The following GRM5 variants were observed in gnomAD, a reference collection of about 807,000 sequenced individuals.
GRM5 encodes the protein glutamate metabotropic receptor 5.
In GRM5, 19 loss-of-function variants were observed where a neutral mutation model predicts 83.1. That is an observed-to-expected ratio of 0.23 (90% confidence interval 0.16 to 0.34). The LOEUF is 0.34. GRM5 is among the 10% of genes least tolerant of loss of function. The probability of loss-of-function intolerance (pLI) is 1.00; values close to 1 mark genes in which losing one functional copy is unlikely to be tolerated. For missense variants in GRM5, 1,160 were observed against 1,588.3 expected (o/e 0.73, Z 4.58); for synonymous variants, 675 against 633.6 (o/e 1.07, Z -0.98).
chr11:88,886,381 T>A (rs1461093068), intron 2 of GRM5, among the ~76,000 whole-genome samples: 1 of 152,164 alleles, frequency 6.6e-6, no homozygotes, highest in Non-Finnish European at 1.5e-5. Context: ...ACTCTGTCCT[T>A]TTATTCTGAG....
At chr11:88,828,368 C>T (rs914804692) in intron 3 of GRM5, among the ~76,000 whole-genome samples, 3 of 152,164 alleles carry the variant, frequency 2.0e-5, no homozygotes, top group African/African-American at 7.2e-5. Context: ...GGTAATTGTA[C>T]ATTCACAACT....
chr11:88,937,373 C>T (rs1226488288), intron 2 of GRM5, among the ~76,000 whole-genome samples: 1 of 151,618 alleles, frequency 6.6e-6, no homozygotes, highest in Non-Finnish European at 1.5e-5. Flanking sequence ...ATTTGCTTTA[C>T]TTGTCTTCTT....
intron 2 of GRM5, among the ~76,000 whole-genome samples, chr11:89,028,370 T>G (rs1198515826): frequency 6.6e-6 from 1 of 152,096 alleles, no homozygotes; most frequent in Non-Finnish European, 1.5e-5. Context: ...ATCACTTGTG[T>G]CCAGGAGTTT....
At chr11:88,651,591 A>G (rs958384214) in intron 4 of GRM5, among the ~76,000 whole-genome samples, 1 of 152,120 alleles carries the variant, frequency 6.6e-6, no homozygotes, top group African/African-American at 2.4e-5. Context: ...TGTGAGCCAT[A>G]AGTGACAGTG....
At chr11:88,893,292 A>G (rs1213351901) in intron 2 of GRM5, among the ~76,000 whole-genome samples, 2 of 152,106 alleles carry the variant, frequency 1.3e-5, no homozygotes, top group Non-Finnish European at 2.9e-5. Flanking sequence ...AGGATCTTGT[A>G]TGATAAATAC....
At chr11:89,058,481 T>G (rs1325645255) in intron 1 of GRM5, among the ~76,000 whole-genome samples, 4 of 152,148 alleles carry the variant, frequency 2.6e-5, no homozygotes, top group African/African-American at 9.7e-5. Context: ...TACATGAAAG[T>G]TAATCCTGGC....
At chr11:88,630,747 T>A (rs188608507) in intron 4 of GRM5, among the ~76,000 whole-genome samples, 97 of 152,242 alleles carry the variant, frequency 6.4e-4, no homozygotes, top group African/African-American at 2.2e-3. Flanking sequence ...ACTGGCTAAT[T>A]TTGTATTTTT....
intron 8 of GRM5, among the ~76,000 whole-genome samples, chr11:88,543,563 G>A (rs1407932984): frequency 6.8e-6 from 1 of 147,568 alleles, no homozygotes; most frequent in Non-Finnish European, 1.5e-5. Context: ...ATTATTTCAG[G>A]GAAGACATAG....
chr11:88,841,434 C>T (rs1370298495), intron 3 of GRM5, among the ~76,000 whole-genome samples: 1 of 152,122 alleles, frequency 6.6e-6, no homozygotes, highest in Non-Finnish European at 1.5e-5. Context: ...AATGACTTTG[C>T]TTTTTCTTGA....
chr11:88,808,310 T>A (rs1273462313), intron 3 of GRM5, among the ~76,000 whole-genome samples: 1 of 152,058 alleles, frequency 6.6e-6, no homozygotes, highest in African/African-American at 2.4e-5. Context: ...ACTGTATATA[T>A]GTACTTTACA....
intron 3 of GRM5, among the ~76,000 whole-genome samples, chr11:88,689,187 T>C (rs1940719506): frequency 6.6e-6 from 1 of 152,176 alleles, no homozygotes; most frequent in Non-Finnish European, 1.5e-5. Context: ...CCTTATTTCA[T>C]TCAACAAATA....
chr11:88,842,694 C>T (rs544887732), intron 3 of GRM5, among the ~76,000 whole-genome samples: 1 of 151,348 alleles, frequency 6.6e-6, no homozygotes, highest in African/African-American at 2.4e-5. Flanking sequence ...TAGAGTTCAT[C>T]TTTTTTTTTC....
intron 4 of GRM5, among the ~76,000 whole-genome samples, chr11:88,636,435 C>T (rs1371302292): frequency 6.6e-6 from 1 of 151,950 alleles, no homozygotes; most frequent in East Asian, 1.9e-4. Context: ...TTGATTGAAC[C>T]TGAGAGGCTT....
At chr11:88,958,380 C>T (rs1938688329) in intron 2 of GRM5, among the ~76,000 whole-genome samples, 1 of 151,396 alleles carries the variant, frequency 6.6e-6, no homozygotes, top group Admixed American at 6.6e-5. Flanking sequence ...ATAAAAATTA[C>T]ATAAAATCAA....
intron 2 of GRM5, among the ~76,000 whole-genome samples, chr11:88,940,544 A>C (rs887640523): frequency 6.6e-6 from 1 of 151,606 alleles, no homozygotes; most frequent in African/African-American, 2.4e-5. Flanking sequence ...TTTAATAAAA[A>C]TAAATACAGA....
chr11:88,890,608 C>G (rs546555675), intron 2 of GRM5, among the ~76,000 whole-genome samples: 97 of 152,102 alleles, frequency 6.4e-4, no homozygotes, highest in Non-Finnish European at 7.4e-4. Context: ...ATGCAAGGGT[C>G]ATCAAAATCC....
chr11:89,062,717 A>C (rs1294355895), intron 1 of GRM5, among the ~76,000 whole-genome samples: 2 of 152,244 alleles, frequency 1.3e-5, no homozygotes, highest in South Asian at 4.1e-4. Flanking sequence ...GGGCAGCTGT[A>C]AATTCGAGTA....
At chr11:88,751,072 C>CAAAAAAAAAAA (rs774458890) in intron 3 of GRM5, among the ~76,000 whole-genome samples, 30 of 47,340 alleles carry the variant, frequency 6.3e-4, no homozygotes, top group African/African-American at 2.9e-3. Context: ...TAGCAGAAGC[C>CAAAAAAAAAAA]AAAAAAAAAA....
At chr11:89,020,407 G>C (rs1215307001) in intron 2 of GRM5, among the ~76,000 whole-genome samples, 1 of 152,180 alleles carries the variant, frequency 6.6e-6, no homozygotes, top group Non-Finnish European at 1.5e-5. Context: ...TCCTGTAATG[G>C]GAGAAATAGT....
Sources: allele counts gnomAD v4.1 joint callset (sites outside exome capture counted in the v4.1 genomes callset), GRCh38; gene constraint gnomAD v4.1.1; transcripts MANE v1.5; gene names NCBI Gene and HGNC (gene_info 2026-07-23, HGNC 2026-07-21).